Variants in AUTS2 observed in about 807,000 individuals in gnomAD.
AUTS2 encodes autism susceptibility gene 2 protein.
A neutral mutation model predicts 112.4 loss-of-function variants in AUTS2; 17 were observed. The observed-to-expected ratio is 0.15, with a 90% CI of 0.10 to 0.23. The LOEUF is 0.23. Among genes scored for constraint, AUTS2 ranks in the 10% least tolerant of loss-of-function variants. The pLI is 1.00. For synonymous variants in AUTS2, 751 were observed against 702.7 expected (o/e 1.07, Z -1.09); for missense variants, 1,510 against 1,701.6 (o/e 0.89, Z 1.98).
At chr7:69,971,808 G>A (rs1797860883) in intron 2 of AUTS2, among the ~76,000 whole-genome samples, 2 of 152,166 alleles carry the variant, frequency 1.3e-5, no homozygotes, top group South Asian at 4.1e-4. Context: ...GTATTCTATG[G>A]TATGGGTGTA....
chr7:70,284,781 C>G (rs532235563), intron 4 of AUTS2, among the ~76,000 whole-genome samples: 1 of 152,288 alleles, frequency 6.6e-6, no homozygotes, highest in Admixed American at 6.5e-5. Flanking sequence ...GTCTGGCCCA[C>G]TTTCAGCTGG....
intron 1 of AUTS2, among the ~76,000 whole-genome samples, chr7:69,897,908 G>A (rs996542671): frequency 6.6e-6 from 1 of 152,168 alleles, no homozygotes; most frequent in Non-Finnish European, 1.5e-5. Flanking sequence ...GCAGAACAGT[G>A]AGAAAATTGG....
At chr7:70,378,208 G>T (rs193163223) in intron 4 of AUTS2, among the ~76,000 whole-genome samples, 114 of 152,256 alleles carry the variant, frequency 7.5e-4, no homozygotes, top group Admixed American at 1.8e-3. Context: ...ACACTTGGTT[G>T]CTTTCACATT....
intron 2 of AUTS2, among the ~76,000 whole-genome samples, chr7:70,015,689 G>C (rs1184453962): frequency 6.6e-6 from 1 of 152,080 alleles, no homozygotes; most frequent in Non-Finnish European, 1.5e-5. Flanking sequence ...TTTCATTCTT[G>C]AATGAATTAT....
intron 4 of AUTS2, among the ~76,000 whole-genome samples, chr7:70,410,391 G>T (rs904325004): frequency 6.9e-6 from 1 of 144,266 alleles, no homozygotes; most frequent in African/African-American, 2.5e-5. Context: ...TCTTAGGAGG[G>T]TTTGTCTTTT....
At chr7:69,978,148 A>G (rs1054285681) in intron 2 of AUTS2, among the ~76,000 whole-genome samples, 9 of 152,226 alleles carry the variant, frequency 5.9e-5, no homozygotes, top group Admixed American at 3.3e-4. Flanking sequence ...TCTTTCTCCT[A>G]TTTGAAGTAT....
intron 2 of AUTS2, among the ~76,000 whole-genome samples, chr7:70,064,433 G>A (rs1312624427): frequency 1.3e-5 from 2 of 152,292 alleles, no homozygotes; most frequent in Non-Finnish European, 2.9e-5. Flanking sequence ...CAAGTAGATA[G>A]TATACAATGG....
At chr7:70,617,700 A>G (rs1452278957) in intron 5 of AUTS2, among the ~76,000 whole-genome samples, 3 of 152,044 alleles carry the variant, frequency 2.0e-5, no homozygotes, top group African/African-American at 7.2e-5. Flanking sequence ...GATTCCTAAG[A>G]AAGTGACCGA....
chr7:69,673,798 C>T (rs1437069854), intron 1 of AUTS2, among the ~76,000 whole-genome samples: 1 of 152,148 alleles, frequency 6.6e-6, no homozygotes, highest in Non-Finnish European at 1.5e-5. Flanking sequence ...AGTTTCTATT[C>T]CACCATGTGC....
At chr7:70,346,386 G>C (rs926558111) in intron 4 of AUTS2, among the ~76,000 whole-genome samples, 1 of 152,132 alleles carries the variant, frequency 6.6e-6, no homozygotes, top group Non-Finnish European at 1.5e-5. Context: ...TCAGTGCTGC[G>C]ATCTGAGGCC....
intron 4 of AUTS2, among the ~76,000 whole-genome samples, chr7:70,390,988 A>G (rs933883060): frequency 6.6e-6 from 1 of 152,140 alleles, no homozygotes; most frequent in African/African-American, 2.4e-5. Flanking sequence ...GTAAAACCAT[A>G]TCCTGATAAC....
intron 1 of AUTS2, among the ~76,000 whole-genome samples, chr7:69,773,502 AGCCTT>A (rs1319624636): frequency 2.0e-5 from 3 of 151,156 alleles, no homozygotes; most frequent in Non-Finnish European, 4.4e-5. Flanking sequence ...TTTTTCCCCA[AGCCTT>A]TGGCTTGGGG....
At chr7:70,617,368 A>G (rs71549367) in intron 5 of AUTS2, among the ~76,000 whole-genome samples, 4,885 of 152,244 alleles carry the variant, frequency 0.032, 123 homozygotes, top group Middle Eastern at 0.12. Flanking sequence ...TATGATGAAT[A>G]TAAGAAGTTT....
intron 1 of AUTS2, among the ~76,000 whole-genome samples, chr7:69,870,657 C>T (rs780194371): frequency 1.2e-4 from 18 of 151,764 alleles, no homozygotes; most frequent in East Asian, 3.9e-4. Flanking sequence ...CTTTACTACA[C>T]GACAGGTTAA....
At chr7:70,112,880 C>G (rs1198685962) in intron 2 of AUTS2, among the ~76,000 whole-genome samples, 1 of 151,984 alleles carries the variant, frequency 6.6e-6, no homozygotes, top group Non-Finnish European at 1.5e-5. Flanking sequence ...TATCAGAACA[C>G]TTTGTTTTAC....
intron 1 of AUTS2, among the ~76,000 whole-genome samples, chr7:69,864,548 C>T (rs1289268938): frequency 6.6e-6 from 1 of 152,192 alleles, no homozygotes; most frequent in Non-Finnish European, 1.5e-5. Flanking sequence ...AGAACAGTTT[C>T]TTCAGGATTC....
At chr7:70,338,325 G>C (rs1165802102) in intron 4 of AUTS2, among the ~76,000 whole-genome samples, 1 of 152,192 alleles carries the variant, frequency 6.6e-6, no homozygotes, top group African/African-American at 2.4e-5. Flanking sequence ...TGATTGTCAT[G>C]TGAATGCCTA....
intron 5 of AUTS2, among the ~76,000 whole-genome samples, chr7:70,559,019 G>A (rs1311037633): frequency 6.6e-6 from 1 of 152,186 alleles, no homozygotes; most frequent in Non-Finnish European, 1.5e-5. Flanking sequence ...GGACCTGGTG[G>A]GAGGTAATTG....
chr7:70,618,271 T>A (rs1395618137), intron 5 of AUTS2, among the ~76,000 whole-genome samples: 4 of 152,158 alleles, frequency 2.6e-5, no homozygotes, highest in African/African-American at 9.7e-5. Context: ...CTTTGGGCAG[T>A]CACTTTGCCT....
Sources: allele counts gnomAD v4.1 joint callset (sites outside exome capture counted in the v4.1 genomes callset), GRCh38; gene constraint gnomAD v4.1.1; transcripts MANE v1.5; gene names NCBI Gene and HGNC (gene_info 2026-07-23, HGNC 2026-07-21).